DMD: variants seen among roughly 807,000 people sequenced by gnomAD.
DMD encodes the protein mutant dystrophin.
In DMD, 63 loss-of-function variants were observed where a neutral mutation model predicts 330.1. The ratio of observed to expected loss-of-function variants is 0.19; its 90% CI spans 0.16 to 0.24. The LOEUF is 0.24. DMD is among the 10% of genes least tolerant of loss of function. DMD has a pLI of 1.00. For synonymous variants in DMD, 1,223 were observed against 959.8 expected (o/e 1.27, Z -5.07); for missense variants, 3,344 against 2,684.1 (o/e 1.25, Z -5.43).
intron 44 of DMD, among the ~76,000 whole-genome samples, chrX:32,024,656 T>A (rs757744203): frequency 9.0e-6 from 1 of 111,460 alleles, no homozygotes; most frequent in Non-Finnish European, 1.9e-5. Context: ...CCTAGTTATA[T>A]CATTTGCTAG....
At chrX:32,437,841 T>C (rs1392334762) in intron 29 of DMD, among the ~76,000 whole-genome samples, 2 of 112,236 alleles carry the variant, frequency 1.8e-5, no homozygotes, top group Non-Finnish European at 3.8e-5. Flanking sequence ...GAAGAATAAA[T>C]AATATGGGGT....
chrX:32,415,371 G>A (rs745507565), intron 29 of DMD, among the ~76,000 whole-genome samples: 1 of 111,918 alleles, frequency 8.9e-6, no homozygotes, highest in East Asian at 2.8e-4. Context: ...AAGAGAGGCT[G>A]ATTTACACAG....
chrX:32,953,998 G>A (rs1030365570), intron 2 of DMD, among the ~76,000 whole-genome samples: 5 of 111,671 alleles, frequency 4.5e-5, no homozygotes, highest in African/African-American at 1.6e-4. Flanking sequence ...TCCATACAAA[G>A]GCATGTTAAT....
intron 1 of DMD, among the ~76,000 whole-genome samples, chrX:33,223,983 G>A (rs946142655): frequency 8.9e-5 from 10 of 112,008 alleles, no homozygotes; most frequent in African/African-American, 1.3e-4. Context: ...ATGAAAAGAC[G>A]CTTCACATCA....
chrX:32,230,103 T>C (rs1467456561), intron 43 of DMD, among the ~76,000 whole-genome samples: 2 of 111,336 alleles, frequency 1.8e-5, no homozygotes, highest in African/African-American at 6.5e-5. Flanking sequence ...TTACCTCCTA[T>C]AACAGGTGCC....
intron 45 of DMD, among the ~76,000 whole-genome samples, chrX:31,953,276 CTTT>C (rs745505301): frequency 1.2e-4 from 13 of 112,077 alleles, no homozygotes; most frequent in Non-Finnish European, 2.3e-4. Flanking sequence ...GCTATTCTGC[CTTT>C]TTGTTTGCCG....
chrX:32,252,599 T>TATATATATATAA (rs1557242667), intron 43 of DMD, among the ~76,000 whole-genome samples: 1 of 74,116 alleles, frequency 1.3e-5, no homozygotes, highest in Non-Finnish European at 2.3e-5. Flanking sequence ...TATATATATA[T>TATATATATATAA]AAACATATAT....
chrX:33,236,141 C>G (rs750262777), intron 1 of DMD, among the ~76,000 whole-genome samples: 1 of 107,990 alleles, frequency 9.3e-6, no homozygotes, highest in Admixed American at 1.0e-4. Context: ...TGGTCTCGAT[C>G]TCATGACCTC....
chrX:31,914,962 G>A (rs769506966), intron 47 of DMD, among the ~76,000 whole-genome samples: 4 of 112,487 alleles, frequency 3.6e-5, no homozygotes, highest in Non-Finnish European at 7.5e-5. Flanking sequence ...TGATTATTAT[G>A]CATTGCATGC....
chrX:31,975,391 T>C (rs1001538260), intron 44 of DMD, among the ~76,000 whole-genome samples: 3 of 112,169 alleles, frequency 2.7e-5, no homozygotes, highest in African/African-American at 9.7e-5. Flanking sequence ...CAAGGATTTA[T>C]TTAATCCTTC....
intron 20 of DMD, among the ~76,000 whole-genome samples, chrX:32,489,992 A>G (rs1448292718): frequency 1.8e-5 from 2 of 112,340 alleles, no homozygotes; most frequent in East Asian, 5.6e-4. Flanking sequence ...AACTAACACA[A>G]GAACAGAAAA....
intron 47 of DMD, among the ~76,000 whole-genome samples, chrX:31,884,682 G>A: frequency 8.9e-6 from 1 of 111,812 alleles, no homozygotes; most frequent in Admixed American, 9.5e-5. Context: ...TAATGAATAT[G>A]TTCTATAGCT....
chrX:33,100,192 A>G (rs1003699464), intron 1 of DMD, among the ~76,000 whole-genome samples: 14 of 111,593 alleles, frequency 1.3e-4, no homozygotes, highest in African/African-American at 4.6e-4. Context: ...GTTCTACAGC[A>G]AAACCATATG....
intron 37 of DMD, among the ~76,000 whole-genome samples, chrX:32,352,577 C>T (rs1431793958): frequency 9.0e-6 from 1 of 110,809 alleles, no homozygotes; most frequent in Non-Finnish European, 1.9e-5. Context: ...GGTTCATGAC[C>T]ACCTTATTAG....
At chrX:32,121,064 T>C (rs1025651897) in intron 44 of DMD, among the ~76,000 whole-genome samples, 1 of 112,222 alleles carries the variant, frequency 8.9e-6, no homozygotes, top group Non-Finnish European at 1.9e-5. Context: ...AAACGTTCGT[T>C]AGAAGTTACT....
At chrX:31,510,437 T>G (rs1341123448) in intron 55 of DMD, among the ~76,000 whole-genome samples, 1 of 110,337 alleles carries the variant, frequency 9.1e-6, no homozygotes, top group Non-Finnish European at 1.9e-5. Context: ...GACAGCATTC[T>G]TGAGTTTGAT....
At chrX:32,938,740 C>T (rs1278080522) in intron 2 of DMD, among the ~76,000 whole-genome samples, 1 of 111,177 alleles carries the variant, frequency 9.0e-6, no homozygotes, top group Non-Finnish European at 1.9e-5. Flanking sequence ...GATTTAAAAC[C>T]AGAAAACAAG....
At chrX:31,567,250 T>C (rs1234968229) in intron 55 of DMD, among the ~76,000 whole-genome samples, 1 of 111,678 alleles carries the variant, frequency 9.0e-6, no homozygotes, top group African/African-American at 3.2e-5. Flanking sequence ...TCCAGAACTA[T>C]GTTAAAAAAG....
At chrX:32,835,252 A>AAT (rs780940201) in intron 4 of DMD, among the ~76,000 whole-genome samples, 1 of 111,923 alleles carries the variant, frequency 8.9e-6, no homozygotes, top group Non-Finnish European at 1.9e-5. Context: ...GCAAAGAAAT[A>AAT]ATAGAATGGC....
Sources: allele counts gnomAD v4.1 joint callset (sites outside exome capture counted in the v4.1 genomes callset), GRCh38; gene constraint gnomAD v4.1.1; transcripts MANE v1.5; gene names NCBI Gene and HGNC (gene_info 2026-07-23, HGNC 2026-07-21).